ST6GALNAC3: variants seen among roughly 807,000 people sequenced by gnomAD.
The protein encoded by ST6GALNAC3 is ST6 N-acetylgalactosaminide alpha-2,6-sialyltransferase 3.
A neutral mutation model predicts 32.7 loss-of-function variants in ST6GALNAC3; 25 were observed. The ratio of observed to expected loss-of-function variants is 0.76; its 90% CI spans 0.56 to 1.07. ST6GALNAC3 has a LOEUF of 1.07. Ranked by LOEUF, ST6GALNAC3 falls within the 50% of genes least tolerant of loss-of-function variation. The pLI is 0.00. For synonymous variants in ST6GALNAC3, 129 were observed against 133.1 expected, an observed-to-expected ratio of 0.97 and a Z score of 0.21; for missense variants, 355 against 382.4, an observed-to-expected ratio of 0.93 and a Z score of 0.60.
intron 1 of ST6GALNAC3, among the ~76,000 whole-genome samples, chr1:76,255,678 G>C (rs977808038): frequency 6.6e-6 from 1 of 152,048 alleles, no homozygotes; most frequent in African/African-American, 2.4e-5. Flanking sequence ...TGTTGCCTAC[G>C]TAGTTTCTGA....
chr1:76,416,785 G>T (rs1455011306), intron 3 of ST6GALNAC3, among the ~76,000 whole-genome samples: 18 of 151,736 alleles, frequency 1.2e-4, no homozygotes, highest in Non-Finnish European at 8.8e-5. Context: ...GCACCACCAT[G>T]CCTGGCTAAT....
At chr1:76,158,577 T>C (rs404652) in intron 1 of ST6GALNAC3, among the ~76,000 whole-genome samples, 21,311 of 152,220 alleles carry the variant, frequency 0.14, 1,734 homozygotes, top group Non-Finnish European at 0.19. Context: ...TTGTTGTTCT[T>C]CTTTTATTCT....
At chr1:76,321,095 T>C (rs990522189) in intron 2 of ST6GALNAC3, among the ~76,000 whole-genome samples, 11 of 151,778 alleles carry the variant, frequency 7.2e-5, no homozygotes, top group African/African-American at 2.4e-4. Flanking sequence ...ACCACAAGGG[T>C]GAGCAGAAAA....
chr1:76,090,933 T>C (rs1647036033), intron 1 of ST6GALNAC3, among the ~76,000 whole-genome samples: 1 of 152,214 alleles, frequency 6.6e-6, no homozygotes, highest in African/African-American at 2.4e-5. Flanking sequence ...TTTAGAGTGC[T>C]CAGAGTCCCT....
chr1:76,151,120 C>T lies in ST6GALNAC3; in HGVS notation c.18+76236C>T, dbSNP rs114553095. 6.9e-3 allele frequency among the ~76,000 whole-genome samples: 1,056 copies of T among 152,158 alleles called. 14 individuals carry two copies. Among genetic ancestry groups the T allele is most frequent in the African/African-American group, 0.023 (974 of 41,498 alleles). On this transcript the variant is annotated intron_variant, in intron 1 of 4. Coordinates refer to ENST00000328299, the MANE Select transcript of ST6GALNAC3 (RefSeq NM_152996.4). ...GGAGACAAGAAAGTGAAATAGTGGC[C>T]CCTTGGTTCTCACGGGGAAGAGGGG...
At chr1:76,123,557 G>A (rs1038829899) in intron 1 of ST6GALNAC3, among the ~76,000 whole-genome samples, 9 of 151,980 alleles carry the variant, frequency 5.9e-5, no homozygotes, top group African/African-American at 1.7e-4. Context: ...CAGTAAGGGG[G>A]TAGGTATAGT....
intron 2 of ST6GALNAC3, among the ~76,000 whole-genome samples, chr1:76,383,234 G>A (rs1651848487): frequency 6.6e-6 from 1 of 151,826 alleles, no homozygotes; most frequent in South Asian, 2.1e-4. Context: ...TTTGTAAACA[G>A]CAAACCCACA....
chr1:76,340,234 G>A (rs372894542), intron 2 of ST6GALNAC3, among the ~76,000 whole-genome samples: 49 of 152,354 alleles, frequency 3.2e-4, no homozygotes, highest in African/African-American at 1.2e-3. Flanking sequence ...CTATATAAAA[G>A]CGAAAGGGAA....
At chr1:76,361,394 G>A (rs1471951237) in intron 2 of ST6GALNAC3, among the ~76,000 whole-genome samples, 2 of 152,022 alleles carry the variant, frequency 1.3e-5, no homozygotes, top group African/African-American at 4.8e-5. Context: ...TCATGTTGTA[G>A]CATGTGACTT....
chr1:76,219,198 G>A (rs1391870695), intron 1 of ST6GALNAC3, among the ~76,000 whole-genome samples: 1 of 152,156 alleles, frequency 6.6e-6, no homozygotes, highest in Admixed American at 6.6e-5. Context: ...TTGCAGTTTG[G>A]TTCCCTGCAT....
intron 1 of ST6GALNAC3, among the ~76,000 whole-genome samples, chr1:76,196,691 C>A (rs765191523): frequency 1.3e-5 from 2 of 152,134 alleles, no homozygotes; most frequent in Non-Finnish European, 1.5e-5. Context: ...GTCTCGAACT[C>A]CTGACCTTAG....
chr1:76,228,196 G>T (rs1656181337), intron 1 of ST6GALNAC3, among the ~76,000 whole-genome samples: 1 of 152,174 alleles, frequency 6.6e-6, no homozygotes, highest in African/African-American at 2.4e-5. Flanking sequence ...ACCACTAAAA[G>T]TGTTCTAGAA....
At chr1:76,422,491 T>C (rs1655091311) in intron 3 of ST6GALNAC3, among the ~76,000 whole-genome samples, 1 of 152,214 alleles carries the variant, frequency 6.6e-6, no homozygotes, top group Non-Finnish European at 1.5e-5. Flanking sequence ...CTGATTTCTT[T>C]GGTATCCAGG....
intron 3 of ST6GALNAC3, among the ~76,000 whole-genome samples, chr1:76,597,202 G>A (rs1264302071): frequency 6.6e-6 from 1 of 152,102 alleles, no homozygotes; most frequent in African/African-American, 2.4e-5. Flanking sequence ...ACAGAGAGCC[G>A]AGGAATTCCA....
At chr1:76,309,674 T>G (rs1219245886) in intron 1 of ST6GALNAC3, among the ~76,000 whole-genome samples, 3 of 152,260 alleles carry the variant, frequency 2.0e-5, no homozygotes, top group East Asian at 3.9e-4. Flanking sequence ...AACACTTTCA[T>G]GCTAAACAAG....
At chr1:76,478,359 T>G (rs1487067274) in intron 3 of ST6GALNAC3, among the ~76,000 whole-genome samples, 1 of 152,236 alleles carries the variant, frequency 6.6e-6, no homozygotes, top group Non-Finnish European at 1.5e-5. Context: ...GTGGACTACC[T>G]GTCCTGAACG....
At chr1:76,226,321 C>T (rs1219106483) in intron 1 of ST6GALNAC3, among the ~76,000 whole-genome samples, 2 of 152,326 alleles carry the variant, frequency 1.3e-5, no homozygotes, top group South Asian at 2.1e-4. Context: ...GGAGGGGATG[C>T]CCCTTTTGTG....
intron 1 of ST6GALNAC3, among the ~76,000 whole-genome samples, chr1:76,215,904 A>T (rs1269044471): frequency 6.6e-6 from 1 of 152,156 alleles, no homozygotes; most frequent in Non-Finnish European, 1.5e-5. Context: ...CTTTCTAGAG[A>T]TGGTGGGCTT....
chr1:76,277,360 A>G (rs1415298221), intron 1 of ST6GALNAC3, among the ~76,000 whole-genome samples: 1 of 151,968 alleles, frequency 6.6e-6, no homozygotes, highest in Admixed American at 6.6e-5. Context: ...GACACAATGG[A>G]AAGCCCAGAA....
Sources: gnomAD v4.1 joint callset for allele counts (sites outside exome capture counted in the v4.1 genomes callset) on GRCh38, gnomAD v4.1.1 for gene constraint, MANE v1.5 for transcripts, NCBI Gene and HGNC (gene_info 2026-07-23, HGNC 2026-07-21) for gene names.